The following DCC variants were observed in gnomAD, a reference collection of about 807,000 sequenced individuals.
DCC encodes netrin receptor DCC.
In DCC, 58 loss-of-function variants were observed where a neutral mutation model predicts 172.5. That is an observed-to-expected ratio of 0.34 (90% CI 0.27 to 0.42). DCC has a LOEUF of 0.42. DCC is among the 10% of genes least tolerant of loss of function. The probability of loss-of-function intolerance (pLI) is 1.00; values close to 1 mark genes in which losing one functional copy is unlikely to be tolerated. For missense variants in DCC, 1,740 were observed against 1,791.0 expected (o/e 0.97, Z 0.51); for synonymous variants, 709 against 644.5 (o/e 1.10, Z -1.52).
intron 1 of DCC, among the ~76,000 whole-genome samples, chr18:52,388,572 G>T: frequency 6.6e-6 from 1 of 150,602 alleles, no homozygotes; most frequent in Middle Eastern, 3.4e-3. Flanking sequence ...CTTTTAGAAT[G>T]TGTAGGGGAA....
chr18:52,836,526 A>G (rs2145307294), intron 2 of DCC, among the ~76,000 whole-genome samples: 1 of 152,348 alleles, frequency 6.6e-6, no homozygotes, highest in South Asian at 2.1e-4. Context: ...CAAAGGAGCT[A>G]CAGTCTCCAT....
At chr18:52,568,833 C>G (rs946671874) in intron 1 of DCC, among the ~76,000 whole-genome samples, 1 of 151,912 alleles carries the variant, frequency 6.6e-6, no homozygotes, top group Admixed American at 6.6e-5. Flanking sequence ...TTTTAAATGC[C>G]TAAGTTTAAA....
intron 2 of DCC, among the ~76,000 whole-genome samples, chr18:52,823,137 A>G (rs561528930): frequency 2.3e-4 from 35 of 152,040 alleles, no homozygotes; most frequent in Non-Finnish European, 4.4e-4. Flanking sequence ...CCCCTCCCTA[A>G]ACTTTTGTTT....
chr18:52,776,636 G>A (rs2037439587), intron 2 of DCC, among the ~76,000 whole-genome samples: 1 of 152,106 alleles, frequency 6.6e-6, no homozygotes, highest in Admixed American at 6.5e-5. Context: ...GTGGGGATGG[G>A]CGGGGAAAGC....
At chr18:52,479,820 CT>C (rs1481278499) in intron 1 of DCC, among the ~76,000 whole-genome samples, 1 of 151,962 alleles carries the variant, frequency 6.6e-6, no homozygotes, top group Non-Finnish European at 1.5e-5. Flanking sequence ...GAGACAATTT[CT>C]TTTTTTCTCT....
chr18:52,340,528 G>A lies in DCC; in HGVS notation c.-260G>A. Reference sequence around the variant, plus strand: ...AGTTAGTTTTCTAAGGTTTTACCGGGGCTCGGGATCTCTTGGACCGAATGG... The same window carrying A: ...AGTTAGTTTTCTAAGGTTTTACCGGAGCTCGGGATCTCTTGGACCGAATGG... On this transcript the variant is annotated 5_prime_UTR_variant, in exon 1 of 29. Coordinates refer to ENST00000442544, the MANE Select transcript of DCC (RefSeq NM_005215.4). 1 of 567,030 alleles carries A rather than the reference G, an allele frequency of 1.8e-6. No individual in the cohort carries two copies. Among genetic ancestry groups the A allele is most frequent in the Non-Finnish European group, 3.2e-6 (1 of 316,640 alleles). 35.1% of individuals were successfully genotyped at this position (567,030 alleles called of 1,614,324 possible).
chr18:53,151,616 G>T (rs1480558728), intron 7 of DCC, among the ~76,000 whole-genome samples: 2 of 151,904 alleles, frequency 1.3e-5, no homozygotes, highest in Non-Finnish European at 2.9e-5. Flanking sequence ...CAGGATAAAA[G>T]CATACAATGT....
In DCC at chr18:53,280,382, T is replaced by C. The variant is rs368167590; in HGVS notation, c.1912-25196T>C. 2.6e-5 allele frequency among the ~76,000 whole-genome samples: 4 copies of C among 152,268 alleles called. No homozygotes were observed. In the East Asian group the frequency reaches 7.7e-4, roughly 29 times the overall value. Reference sequence around the variant, plus strand: ...ATGTTGATTTTTTTGGAACAATATATTGAAAAACCAAAATGTCATGAAGTT... The same window carrying C: ...ATGTTGATTTTTTTGGAACAATATACTGAAAAACCAAAATGTCATGAAGTT... On this transcript the variant is annotated intron_variant, in intron 12 of 28. Transcript: ENST00000442544.
intron 1 of DCC, among the ~76,000 whole-genome samples, chr18:52,652,824 CA>C (rs909926707): frequency 2.6e-5 from 4 of 151,166 alleles, no homozygotes; most frequent in African/African-American, 7.3e-5. Flanking sequence ...TTGCCTTCAT[CA>C]GGGGACTGGT....
In DCC at chr18:52,830,980, A is replaced by G. The variant is rs192234765; in HGVS notation, c.413-75064A>G. Among the ~76,000 whole-genome samples the G allele has an allele frequency of 1.4e-3, 218 of 152,266 alleles. 3 individuals carry two copies. The highest frequency in any genetic ancestry group is 5.2e-3 in the African/African-American group (215 of 41,534). On this transcript the variant is annotated intron_variant, in intron 2 of 28. Transcript: ENST00000442544. ...TGGTTATGAGTGTAATGAAGAAACT[A>G]CAATATAGATCTCAGGGCATAGGGC... is the stretch of plus-strand genomic sequence containing the variant.
chr18:52,437,998 T>C (rs1437126546), intron 1 of DCC, among the ~76,000 whole-genome samples: 1 of 152,146 alleles, frequency 6.6e-6, no homozygotes, highest in Non-Finnish European at 1.5e-5. Context: ...TTCACAAATA[T>C]TAGTATTAAG....
In DCC at chr18:52,404,868, T is replaced by A. The variant is rs560717731; in HGVS notation, c.91+63990T>A. ...TGATATTCCCCTTCCTGTGTCCATG[T>A]GATCTCATTGTTCAATTCCCACCTA... On this transcript the variant is annotated intron_variant, in intron 1 of 28. Coordinates refer to ENST00000442544, the MANE Select transcript of DCC (RefSeq NM_005215.4). Among the ~76,000 whole-genome samples the A allele has an allele frequency of 4.8e-4, 69 of 143,120 alleles. 1 individual carries two copies. The South Asian group carries it at 0.015, about 32-fold the overall frequency. The allele number at this position is 143,120 out of a possible 152,430, so 93.9% of individuals were successfully genotyped here. A position where few individuals can be genotyped will look rare whatever the true frequency, so the allele number is the denominator to read the frequency against.
At chr18:53,113,331 G>T (rs559924320) in intron 7 of DCC, among the ~76,000 whole-genome samples, 2 of 151,278 alleles carry the variant, frequency 1.3e-5, no homozygotes, top group East Asian at 3.9e-4. Context: ...TTATTAATTC[G>T]ATTTCAATAC....
In DCC at chr18:52,353,736, G is replaced by A. The variant is rs1017109480; in HGVS notation, c.91+12858G>A. Among the ~76,000 whole-genome samples, 4 of 152,184 alleles carry A rather than the reference G, an allele frequency of 2.6e-5. No individual in the cohort carries two copies. The South Asian group carries it at 6.2e-4, about 24-fold the overall frequency. ...GCGTGCTCCAAATCAGAGTCTACAC[G>A]AAGAGAACATGGGGTCTCAGCTGCG... On this transcript the variant is annotated intron_variant, in intron 1 of 28. Transcript: ENST00000442544.
chr18:52,427,389 G>A (rs1987465040), intron 1 of DCC, among the ~76,000 whole-genome samples: 1 of 151,816 alleles, frequency 6.6e-6, no homozygotes, highest in Admixed American at 6.6e-5. Flanking sequence ...CTTTTAAGAA[G>A]GAAGGAAGAG....
At chr18:53,176,417 A>G (rs1218893787) in intron 8 of DCC, among the ~76,000 whole-genome samples, 12 of 147,214 alleles carry the variant, frequency 8.2e-5, no homozygotes, top group Middle Eastern at 3.5e-3. Context: ...GAAAATTTTC[A>G]CAACCTACTC....
chr18:52,384,308 G>T (rs1985705494), intron 1 of DCC, among the ~76,000 whole-genome samples: 1 of 152,108 alleles, frequency 6.6e-6, no homozygotes, highest in African/African-American at 2.4e-5. Flanking sequence ...AGGTTAGGGT[G>T]CAATCCTGGC....
intron 1 of DCC, among the ~76,000 whole-genome samples, chr18:52,715,989 C>T (rs566682603): frequency 1.3e-5 from 2 of 150,606 alleles, no homozygotes; most frequent in Non-Finnish European, 3.0e-5. Context: ...TACAACTTAC[C>T]CTTCAGTGCC....
chr18:52,413,949 C>T (rs1986928395), intron 1 of DCC, among the ~76,000 whole-genome samples: 1 of 152,134 alleles, frequency 6.6e-6, no homozygotes, highest in Non-Finnish European at 1.5e-5. Context: ...TCATTACGTA[C>T]ACGTGTGTAT....
Sources: gnomAD v4.1 joint callset for allele counts (sites outside exome capture counted in the v4.1 genomes callset) on GRCh38, gnomAD v4.1.1 for gene constraint, MANE v1.5 for transcripts, NCBI Gene and HGNC (gene_info 2026-07-23, HGNC 2026-07-21) for gene names.